The following FBXW7 variants were observed in gnomAD, a reference collection of about 807,000 sequenced individuals.
FBXW7 encodes the protein F-box/WD repeat-containing protein 7.
Under a neutral mutation model 86.3 loss-of-function variants are expected in FBXW7, and 11 were observed. That is an observed-to-expected ratio of 0.13 (90% CI 0.08 to 0.21). FBXW7 has a LOEUF of 0.21. Ranked by LOEUF, FBXW7 falls within the 10% of genes least tolerant of loss-of-function variation. The pLI, the probability that FBXW7 is intolerant of heterozygous loss-of-function variation, is 1.00. For missense variants in FBXW7, 488 were observed against 847.4 expected (o/e 0.58, Z 5.27); for synonymous variants, 313 against 297.9 (o/e 1.05, Z -0.52).
Position 152,370,301 on chromosome 4 carries a change from T to C in FBXW7, c.502-20177A>G, listed in dbSNP as rs528157288. 4.3e-4 allele frequency among the ~76,000 whole-genome samples: 65 copies of C among 152,102 alleles called. No individual in the cohort carries two copies. In the South Asian group the frequency reaches 0.012, roughly 28 times the overall value. On this transcript the variant is annotated intron_variant, in intron 4 of 13. Transcript: ENST00000281708. ...AAATTTAAGAAAATCCCATTCAACA[T>C]TACCATAAATTTTCTCAAATCCTCA...
At chr4:152,336,809 T>C (rs896035153) in intron 7 of FBXW7, among the ~76,000 whole-genome samples, 1 of 152,078 alleles carries the variant, frequency 6.6e-6, no homozygotes, top group African/African-American at 2.4e-5. Flanking sequence ...GATACAACTA[T>C]TTTATTCGTA....
intron 2 of FBXW7, among the ~76,000 whole-genome samples, chr4:152,512,726 G>T (rs529786730): frequency 6.6e-6 from 1 of 152,324 alleles, no homozygotes; most frequent in South Asian, 2.1e-4. Flanking sequence ...TGGTTGCCAG[G>T]AGACTGCGCA....
chr4:152,519,920 C>T (rs1748849236), intron 2 of FBXW7, among the ~76,000 whole-genome samples: 1 of 152,178 alleles, frequency 6.6e-6, no homozygotes, highest in Non-Finnish European at 1.5e-5. Context: ...GAATTTGTTT[C>T]CTTTGCCATA....
intron 2 of FBXW7, among the ~76,000 whole-genome samples, chr4:152,466,945 A>G (rs929955856): frequency 6.6e-6 from 1 of 152,058 alleles, no homozygotes; most frequent in African/African-American, 2.4e-5. Flanking sequence ...CCGTCTCAAA[A>G]TAATAATAAT....
chr4:152,394,444 G>A (rs952145990), intron 4 of FBXW7, among the ~76,000 whole-genome samples: 2 of 152,102 alleles, frequency 1.3e-5, no homozygotes, highest in East Asian at 3.9e-4. Flanking sequence ...CAACCAATTA[G>A]GGAAAAAATA....
chr4:152,368,397 G>T (rs549703084), intron 4 of FBXW7, among the ~76,000 whole-genome samples: 2 of 152,190 alleles, frequency 1.3e-5, no homozygotes, highest in South Asian at 4.1e-4. Flanking sequence ...TGGGATGCCC[G>T]TGTGTGCGGA....
At chr4:152,360,736 A>ATAAGGTACGG (rs1732856213) in intron 4 of FBXW7, among the ~76,000 whole-genome samples, 2 of 151,998 alleles carry the variant, frequency 1.3e-5, no homozygotes, top group African/African-American at 4.8e-5. Flanking sequence ...ATAACACAAT[A>ATAAGGTACGG]TAAGGTACGG....
At chr4:152,353,353 T>G (rs888774895) in intron 4 of FBXW7, among the ~76,000 whole-genome samples, 1 of 152,218 alleles carries the variant, frequency 6.6e-6, no homozygotes, top group Non-Finnish European at 1.5e-5. Flanking sequence ...GCAGAAATTA[T>G]GTAATCTAAG....
chr4:152,424,841 T>C (rs965824853), intron 2 of FBXW7, among the ~76,000 whole-genome samples: 4 of 152,222 alleles, frequency 2.6e-5, no homozygotes, highest in East Asian at 1.9e-4. Flanking sequence ...ATATGTACTC[T>C]AGGCAAATTA....
chr4:152,321,938 C>T lies in FBXW7; in HGVS notation c.*943G>A, dbSNP rs1216994007. 4.3e-6 allele frequency: 1 copy of T among 232,822 alleles called. No homozygotes were observed. Among genetic ancestry groups the T allele is most frequent in the African/African-American group, 2.2e-5 (1 of 45,280 alleles). 14.4% of individuals were successfully genotyped at this position (232,822 alleles called of 1,614,324 possible). A position where few individuals can be genotyped will look rare whatever the true frequency, so the allele number is the denominator to read the frequency against. On this transcript the variant is annotated 3_prime_UTR_variant, in exon 14 of 14. Coordinates refer to ENST00000281708, the MANE Select transcript of FBXW7 (RefSeq NM_001349798.2). The stretch of plus-strand genomic sequence containing the variant: ...TCTGAAACTCTTCCATTCTCAGCCT[C>T]TTAGAGGCACAGATGGCTCAAGTTT...
intron 2 of FBXW7, among the ~76,000 whole-genome samples, chr4:152,460,364 T>C (rs74611944): frequency 0.016 from 2,441 of 152,286 alleles, 75 homozygotes; most frequent in African/African-American, 0.056. Context: ...TACTTGTTTT[T>C]AAAATAAGGA....
chr4:152,322,567 T>C lies in FBXW7; in HGVS notation c.*314A>G. On this transcript the variant is annotated 3_prime_UTR_variant, in exon 14 of 14. Transcript: ENST00000281708. ...AGCATTAACACTGCCCAATGACCAC[T>C]GGAGAAGAAAATAAAGAAATAATTG... is the stretch of plus-strand genomic sequence containing the variant. The C allele has an allele frequency of 2.7e-6, 1 of 364,160 alleles. No homozygotes were observed. 22.6% of individuals were successfully genotyped at this position (364,160 alleles called of 1,614,324 possible).
intron 2 of FBXW7, among the ~76,000 whole-genome samples, chr4:152,477,529 T>TG (rs1744523464): frequency 6.6e-6 from 1 of 152,140 alleles, no homozygotes; most frequent in South Asian, 2.1e-4. Flanking sequence ...ACATTAAATT[T>TG]GGGGGAAAAA....
Position 152,320,787 on chromosome 4 carries a change from C to T in FBXW7, c.*2094G>A, listed in dbSNP as rs1169791468. 1 of 152,040 alleles carries T rather than the reference C, an allele frequency of 6.6e-6. No individual in the cohort carries two copies. Among genetic ancestry groups the T allele is most frequent in the Admixed American group, 6.6e-5 (1 of 15,240 alleles). The allele number at this position is 152,040 out of a possible 1,614,324, so 9.4% of individuals were successfully genotyped here. ...TTCTATGATTTGACAAATTGCCTAA[C>T]CAGTCTCAGCTGCAGATTTTTGCTC... On this transcript the variant is annotated 3_prime_UTR_variant, in exon 14 of 14. Transcript: ENST00000281708.
intron 4 of FBXW7, among the ~76,000 whole-genome samples, chr4:152,399,570 C>A (rs770605753): frequency 3.3e-5 from 5 of 151,930 alleles, no homozygotes; most frequent in Non-Finnish European, 5.9e-5. Flanking sequence ...CATAGAAAAT[C>A]CTAAAAAATT....
chr4:152,337,983 A>C (rs1351443151), intron 6 of FBXW7, 47 bp from the exon 7 acceptor site: 1 of 1,561,790 alleles, frequency 6.4e-7, no homozygotes, highest in East Asian at 2.2e-5. Flanking sequence ...AGATGTCCCA[A>C]ATTACAGGCT....
intron 4 of FBXW7, among the ~76,000 whole-genome samples, chr4:152,384,383 G>A (rs1391785030): frequency 6.6e-6 from 1 of 152,064 alleles, no homozygotes; most frequent in African/African-American, 2.4e-5. Context: ...GCTACAACAT[G>A]CATGAACCTT....
At chr4:152,526,414 T>C (rs1204706523) in intron 2 of FBXW7, among the ~76,000 whole-genome samples, 1 of 152,214 alleles carries the variant, frequency 6.6e-6, no homozygotes, top group African/African-American at 2.4e-5. Flanking sequence ...ACACTGATTA[T>C]GCCCTACTCG....
chr4:152,463,352 A>C (rs754496799), intron 2 of FBXW7, among the ~76,000 whole-genome samples: 1 of 152,174 alleles, frequency 6.6e-6, no homozygotes, highest in Non-Finnish European at 1.5e-5. Flanking sequence ...CTTCGTTGTA[A>C]GTTTAAACTC....
Sources: allele counts gnomAD v4.1 joint callset (sites outside exome capture counted in the v4.1 genomes callset), GRCh38; gene constraint gnomAD v4.1.1; transcripts MANE v1.5; gene names NCBI Gene and HGNC (gene_info 2026-07-23, HGNC 2026-07-21).